Variants in JARID2 observed in about 807,000 individuals in gnomAD.
JARID2 encodes jumonji and AT-rich interaction domain containing 2, also known as protein Jumonji.
In JARID2, 21 loss-of-function variants were observed where a neutral mutation model predicts 125.6. The observed-to-expected ratio is 0.17, with a 90% CI of 0.12 to 0.24. The LOEUF (loss-of-function observed/expected upper bound fraction) is 0.24. Ranked by LOEUF, JARID2 falls within the 10% of genes least tolerant of loss-of-function variation. The probability of loss-of-function intolerance (pLI) is 1.00; values close to 1 mark genes in which losing one functional copy is unlikely to be tolerated. For missense variants in JARID2, 1,303 were observed against 1,639.6 expected, an observed-to-expected ratio of 0.79 and a Z score of 3.55; for synonymous variants, 736 against 661.6, an observed-to-expected ratio of 1.11 and a Z score of -1.73.
chr6:15,278,895 C>A (rs1760644250), intron 1 of JARID2, among the ~76,000 whole-genome samples: 1 of 152,086 alleles, frequency 6.6e-6, no homozygotes, highest in South Asian at 2.1e-4. Flanking sequence ...AAGGCGAAAC[C>A]CTGTCTCTAC....
intron 9 of JARID2, chr6:15,505,104 T>G (rs1349786573): frequency 6.5e-6 from 1 of 153,036 alleles, no homozygotes; most frequent in Middle Eastern, 3.2e-3. Context: ...TTAGGGGGAG[T>G]TTTTGTGTGC....
chr6:15,497,163 G>A lies in JARID2; in HGVS notation c.1938G>A (p.Pro646=), dbSNP rs1040352284. Residue 646 remains proline, a synonymous_variant, in exon 7 of 18, where the codon CCG becomes CCA. Transcript: ENST00000341776. ...AGGGCATCACCATGGACGAGCTCCC[G>A]CTCATAGGTAGGTCTGGGCGGGGGG... ...KSQGITMDEL[P]LIGGCELDLA... 33 of 1,545,850 alleles carry A rather than the reference G, an allele frequency of 2.1e-5. No homozygotes were observed. Among genetic ancestry groups the A allele is most frequent in the Non-Finnish European group, 2.7e-5 (31 of 1,143,606 alleles).
At chr6:15,285,715 C>G (rs1204673398) in intron 1 of JARID2, among the ~76,000 whole-genome samples, 1 of 152,052 alleles carries the variant, frequency 6.6e-6, no homozygotes. Context: ...GATAACAATT[C>G]TAGAAAAGAA....
At chr6:15,409,060 C>T (rs1374321273) in intron 2 of JARID2, among the ~76,000 whole-genome samples, 1 of 152,172 alleles carries the variant, frequency 6.6e-6, no homozygotes, top group Admixed American at 6.5e-5. Flanking sequence ...CAAGCAGAAA[C>T]AAGCCAGGTC....
chr6:15,250,429 C>T (rs766436948), intron 1 of JARID2, among the ~76,000 whole-genome samples: 1 of 151,974 alleles, frequency 6.6e-6, no homozygotes, highest in African/African-American at 2.4e-5. Context: ...TGTATTTTTT[C>T]TTTCCTGGGA....
intron 1 of JARID2, among the ~76,000 whole-genome samples, chr6:15,293,567 C>T (rs1014552613): frequency 3.3e-5 from 5 of 152,200 alleles, no homozygotes; most frequent in Non-Finnish European, 5.9e-5. Context: ...TAGAATTTTT[C>T]AGAAGGTTGT....
intron 1 of JARID2, among the ~76,000 whole-genome samples, chr6:15,291,772 A>G (rs1761224643): frequency 6.6e-6 from 1 of 152,212 alleles, no homozygotes; most frequent in African/African-American, 2.4e-5. Context: ...CCACTACCCC[A>G]CACAAATGTT....
chr6:15,494,851 A>G (rs1770333305), intron 6 of JARID2, among the ~76,000 whole-genome samples: 1 of 152,178 alleles, frequency 6.6e-6, no homozygotes, highest in African/African-American at 2.4e-5. Context: ...CTGGTGTTTC[A>G]GTACCCTCTG....
chr6:15,408,286 C>T (rs902914825), intron 2 of JARID2, among the ~76,000 whole-genome samples: 11 of 152,140 alleles, frequency 7.2e-5, no homozygotes, highest in African/African-American at 2.2e-4. Flanking sequence ...TCCACCAAGA[C>T]GATACATATT....
chr6:15,289,628 G>A (rs1355426122), intron 1 of JARID2, among the ~76,000 whole-genome samples: 1 of 152,104 alleles, frequency 6.6e-6, no homozygotes, highest in African/African-American at 2.4e-5. Context: ...AGGATGAGGT[G>A]GGTCACTTGA....
intron 1 of JARID2, among the ~76,000 whole-genome samples, chr6:15,327,274 T>C (rs1181521889): frequency 6.6e-6 from 1 of 152,230 alleles, no homozygotes; most frequent in East Asian, 1.9e-4. Flanking sequence ...GAGACGGTCT[T>C]GCCCTGTCAC....
At chr6:15,246,713 T>TC in intron 1 of JARID2, 129 bp downstream of exon 1, 1 of 857,884 alleles carries the variant, frequency 1.2e-6, no homozygotes, top group South Asian at 1.6e-5. Flanking sequence ...TTCTTTTTTT[T>TC]CTGAAAGAGG....
chr6:15,508,102 C>T (rs771519616), intron 11 of JARID2, among the ~76,000 whole-genome samples: 2 of 152,242 alleles, frequency 1.3e-5, no homozygotes, highest in African/African-American at 4.8e-5. Flanking sequence ...GTTCCTGCGG[C>T]CACCTCCCTC....
chr6:15,441,226 C>T lies in JARID2; in HGVS notation c.324-10780C>T, dbSNP rs577547971. On this transcript the variant is annotated intron_variant, in intron 3 of 17. Coordinates refer to ENST00000341776, the MANE Select transcript of JARID2 (RefSeq NM_004973.4). ...GGATTGTATATTCCTAGATGTTTTCCATACAAGAACTTTGGGGTGTAATGA... is the reference window on the plus strand; with the variant it reads ...GGATTGTATATTCCTAGATGTTTTCTATACAAGAACTTTGGGGTGTAATGA... Among the ~76,000 whole-genome samples, 89 of 152,214 alleles carry T rather than the reference C, an allele frequency of 5.8e-4. 1 individual carries two copies. Among genetic ancestry groups the T allele is most frequent in the Non-Finnish European group, 5.4e-4 (37 of 68,008 alleles).
intron 1 of JARID2, among the ~76,000 whole-genome samples, chr6:15,311,791 A>G (rs534427098): frequency 3.4e-5 from 5 of 148,500 alleles, no homozygotes; most frequent in African/African-American, 1.2e-4. Context: ...TTTTCCTCTT[A>G]ATACCCTAAG....
intron 3 of JARID2, among the ~76,000 whole-genome samples, chr6:15,416,601 T>G (rs1440152924): frequency 6.6e-6 from 1 of 151,600 alleles, no homozygotes. Context: ...GGCAGGAGAA[T>G]CAGGCAGGGA....
intron 2 of JARID2, among the ~76,000 whole-genome samples, chr6:15,377,547 C>T (rs952465550): frequency 6.6e-6 from 1 of 152,114 alleles, no homozygotes; most frequent in African/African-American, 2.4e-5. Context: ...CTCACTGCAA[C>T]CCCCACCTCC....
intron 5 of JARID2, among the ~76,000 whole-genome samples, chr6:15,472,275 C>A (rs1404658274): frequency 6.6e-6 from 1 of 152,032 alleles, no homozygotes; most frequent in Non-Finnish European, 1.5e-5. Context: ...CCTGTCTCTT[C>A]TGTCATCCTT....
rs1764260856 is a variant in JARID2, at chr6:15,373,992, T to G, written c.46-125T>G. On this transcript the variant is annotated intron_variant, in intron 1 of 17. Coordinates refer to ENST00000341776, the MANE Select transcript of JARID2 (RefSeq NM_004973.4). ...TTACCTTATGGGTGTAATTCTGACATTGAGAACTGGGTCGTGGTCACACAG... is the reference window on the plus strand; with the variant it reads ...TTACCTTATGGGTGTAATTCTGACAGTGAGAACTGGGTCGTGGTCACACAG... 2.8e-6 allele frequency: 3 copies of G among 1,068,036 alleles called. No homozygotes were observed. The East Asian group carries it at 7.2e-5, about 26-fold the overall frequency. The allele number at this position is 1,068,036 out of a possible 1,614,324, so 66.2% of individuals were successfully genotyped here. A position where few individuals can be genotyped will look rare whatever the true frequency, so the allele number is the denominator to read the frequency against.
Sources: gnomAD v4.1 joint callset for allele counts (sites outside exome capture counted in the v4.1 genomes callset) on GRCh38, gnomAD v4.1.1 for gene constraint, MANE v1.5 for transcripts, NCBI Gene and HGNC (gene_info 2026-07-23, HGNC 2026-07-21) for gene names.